Variants in CLINT1 observed in about 807,000 individuals in gnomAD.
CLINT1 encodes the protein clathrin interactor 1.
CLINT1 carries 15 observed loss-of-function variants against 70.4 expected under a neutral mutation model. That is an observed-to-expected ratio of 0.21 (90% CI 0.14 to 0.33). The LOEUF (loss-of-function observed/expected upper bound fraction) is 0.33, where lower values mean the gene tolerates loss of function less well. Ranked by LOEUF, CLINT1 falls within the 10% of genes least tolerant of loss-of-function variation. The probability of loss-of-function intolerance (pLI) is 1.00; values close to 1 mark genes in which losing one functional copy is unlikely to be tolerated. For synonymous variants in CLINT1, 227 were observed against 254.7 expected (o/e 0.89, Z 1.04); for missense variants, 615 against 778.1 (o/e 0.79, Z 2.49).
At chr5:157,791,340 G>T (rs1052213588) in intron 10 of CLINT1, among the ~76,000 whole-genome samples, 18 of 152,152 alleles carry the variant, frequency 1.2e-4, no homozygotes, top group African/African-American at 4.3e-4. Flanking sequence ...TTACAGGGGT[G>T]AGCCACTGCG....
chr5:157,802,322 T>A (rs529610291), intron 8 of CLINT1, among the ~76,000 whole-genome samples: 1 of 152,312 alleles, frequency 6.6e-6, no homozygotes, highest in East Asian at 1.9e-4. Context: ...AAGACTGTCT[T>A]TAAACAGAAG....
chr5:157,858,822 C>T (rs1753844862), intron 1 of CLINT1, 108 bp downstream of exon 1: 6 of 1,230,598 alleles, frequency 4.9e-6, no homozygotes, highest in Non-Finnish European at 6.8e-6. Flanking sequence ...ATGGGGCTGG[C>T]AGAGCCAGGG....
chr5:157,806,116 A>G lies in CLINT1; in HGVS notation c.696-4T>C. On this transcript the variant is annotated splice_polypyrimidine_tract_variant and splice_region_variant and intron_variant, in intron 6 of 11. Coordinates refer to ENST00000411809, the MANE Select transcript of CLINT1 (RefSeq NM_014666.4). ...TTTCTTTTCCTCATCGCTGTCGCTA[A>G]AAGATATTAAAAATGAAGCAAAATA... 1 of 1,612,122 alleles carries G rather than the reference A, an allele frequency of 6.2e-7. No individual in the cohort carries two copies. Among genetic ancestry groups the G allele is most frequent in the Non-Finnish European group, 8.5e-7 (1 of 1,179,078 alleles).
At chr5:157,856,351 G>C (rs1468429627) in intron 1 of CLINT1, among the ~76,000 whole-genome samples, 1 of 152,240 alleles carries the variant, frequency 6.6e-6, no homozygotes, top group Non-Finnish European at 1.5e-5. Context: ...GGAGATTCAT[G>C]TGATTCTGCC....
chr5:157,834,173 G>T (rs1405385462), intron 1 of CLINT1, among the ~76,000 whole-genome samples: 1 of 151,976 alleles, frequency 6.6e-6, no homozygotes, highest in Non-Finnish European at 1.5e-5. Flanking sequence ...AGACCAGCCT[G>T]GGCAACATGG....
chr5:157,837,192 G>C (rs376268867), intron 1 of CLINT1, among the ~76,000 whole-genome samples: 1 of 152,094 alleles, frequency 6.6e-6, no homozygotes, highest in Non-Finnish European at 1.5e-5. Flanking sequence ...GCTTGAGCCC[G>C]GGAGTTTAAG....
At chr5:157,793,799 C>T (rs967006650) in intron 9 of CLINT1, among the ~76,000 whole-genome samples, 1 of 152,114 alleles carries the variant, frequency 6.6e-6, no homozygotes, top group Admixed American at 6.5e-5. Flanking sequence ...TAACCCCAAA[C>T]CATTTTACAA....
intron 1 of CLINT1, among the ~76,000 whole-genome samples, chr5:157,850,762 G>GT (rs1410636076): frequency 1.3e-5 from 2 of 151,596 alleles, no homozygotes; most frequent in Non-Finnish European, 2.9e-5. Flanking sequence ...AAAAGGCTCA[G>GT]TATGCCTATT....
At chr5:157,793,112 G>A (rs927227376) in intron 9 of CLINT1, among the ~76,000 whole-genome samples, 5 of 151,940 alleles carry the variant, frequency 3.3e-5, no homozygotes, top group African/African-American at 1.2e-4. Context: ...ACCCTTGAAA[G>A]AGAAAATAAT....
chr5:157,855,173 T>C (rs1392126168), intron 1 of CLINT1, among the ~76,000 whole-genome samples: 3 of 29,202 alleles, frequency 1.0e-4, no homozygotes, highest in Admixed American at 4.9e-4. Context: ...GGGGGGCGGG[T>C]CACTGATGAA....
intron 4 of CLINT1, 119 bp downstream of exon 4, chr5:157,814,066 G>A (rs562742541): frequency 5.7e-5 from 39 of 690,126 alleles, no homozygotes; most frequent in African/African-American, 2.1e-4. Context: ...TTCTGCACTC[G>A]TCACACAACC....
chr5:157,818,106 G>A (rs912928450), intron 1 of CLINT1, among the ~76,000 whole-genome samples: 2 of 152,048 alleles, frequency 1.3e-5, no homozygotes, highest in African/African-American at 4.8e-5. Flanking sequence ...GCACTTCTAT[G>A]TCATATATTC....
At chr5:157,842,032 C>T (rs1312658972) in intron 1 of CLINT1, among the ~76,000 whole-genome samples, 7 of 152,186 alleles carry the variant, frequency 4.6e-5, no homozygotes, top group Non-Finnish European at 5.9e-5. Context: ...CACTAACTCA[C>T]TGAAGAGTTA....
At chr5:157,843,992 T>C (rs1278160416) in intron 1 of CLINT1, among the ~76,000 whole-genome samples, 2 of 152,174 alleles carry the variant, frequency 1.3e-5, no homozygotes, top group Non-Finnish European at 2.9e-5. Flanking sequence ...CTTAACAGAA[T>C]GATAAAATGA....
intron 6 of CLINT1, among the ~76,000 whole-genome samples, chr5:157,807,979 GA>G (rs1446741463): frequency 1.3e-5 from 2 of 152,090 alleles, no homozygotes; most frequent in African/African-American, 4.8e-5. Context: ...AAGACTGTTT[GA>G]AAAACTGGAA....
intron 1 of CLINT1, among the ~76,000 whole-genome samples, chr5:157,838,935 AT>A (rs561570274): frequency 6.1e-4 from 93 of 152,374 alleles, no homozygotes; most frequent in African/African-American, 2.1e-3. Context: ...TTCTCTTTAT[AT>A]TTAATAATAT....
intron 1 of CLINT1, among the ~76,000 whole-genome samples, chr5:157,824,596 G>T (rs1000433456): frequency 6.6e-6 from 1 of 152,168 alleles, no homozygotes; most frequent in African/African-American, 2.4e-5. Context: ...AGATAATTTT[G>T]CTATAGTAAA....
intron 1 of CLINT1, among the ~76,000 whole-genome samples, chr5:157,823,175 T>C (rs1201759823): frequency 6.6e-6 from 1 of 152,160 alleles, no homozygotes; most frequent in African/African-American, 2.4e-5. Flanking sequence ...CACACACCCA[T>C]ACTAAGATAA....
At position 157,813,120 on chromosome 5, in the gene CLINT1, T is replaced by C; in HGVS notation, c.460A>G (p.Lys154Glu). ...RLREERKKAK[K>E]NKDKYVGVSS... ...ACCCCAACATACTTGTCTTTGTTCT[T>C]CTTTGCTTTCTTTCGCTCTTCACGA... The change falls in exon 5 of 12, where the codon AAG becomes GAG. Residue 154 changes from lysine (K) to glutamate (E), a missense_variant. By Grantham distance (56) the Lys-to-Glu change is moderately conservative. This residue lies in a region of CLINT1 where 241 missense variants were observed against 368.6 expected (regional missense o/e 0.65). Coordinates refer to ENST00000411809, the MANE Select transcript of CLINT1 (RefSeq NM_014666.4). 6.2e-7 allele frequency: 1 copy of C among 1,613,952 alleles called. No individual in the cohort carries two copies. Among genetic ancestry groups the C allele is most frequent in the Non-Finnish European group, 8.5e-7 (1 of 1,179,856 alleles).
Sources: gnomAD v4.1 joint callset for allele counts (sites outside exome capture counted in the v4.1 genomes callset) on GRCh38, gnomAD v4.1.1 for gene constraint, gnomAD v4.1.1 regional missense constraint, MANE v1.5 for transcripts, NCBI Gene and HGNC (gene_info 2026-07-23, HGNC 2026-07-21) for gene names.